The following WWOX variants were observed in gnomAD, a reference collection of about 807,000 sequenced individuals.
The protein encoded by WWOX is WW domain-containing oxidoreductase.
A neutral mutation model predicts 46.2 loss-of-function variants in WWOX; 69 were observed. That is an observed-to-expected ratio of 1.49 (90% CI 1.23 to 1.82). WWOX has a LOEUF of 1.82. Ranked by LOEUF, WWOX falls within the 40% of genes most tolerant of loss-of-function variation. The pLI is 0.00. For synonymous variants in WWOX, 359 were observed against 202.6 expected, an observed-to-expected ratio of 1.77 and a Z score of -6.56; for missense variants, 919 against 542.6, an observed-to-expected ratio of 1.69 and a Z score of -6.89.
chr16:78,934,012 A>G (rs1438127009), intron 8 of WWOX, among the ~76,000 whole-genome samples: 1 of 152,032 alleles, frequency 6.6e-6, no homozygotes, highest in African/African-American at 2.4e-5. Context: ...GGCAACACAT[A>G]GAGACACCGT....
At chr16:78,221,892 G>A (rs555893512) in intron 5 of WWOX, among the ~76,000 whole-genome samples, 3 of 152,234 alleles carry the variant, frequency 2.0e-5, no homozygotes, top group South Asian at 4.2e-4. Flanking sequence ...TTTGGTTTGG[G>A]TAATTCATTG....
intron 8 of WWOX, among the ~76,000 whole-genome samples, chr16:78,584,914 T>G (rs1235033760): frequency 6.6e-6 from 1 of 152,186 alleles, no homozygotes; most frequent in Non-Finnish European, 1.5e-5. Flanking sequence ...ATTGACAGAA[T>G]TTTTCTCCCG....
rs548204317 is a variant in WWOX, at chr16:79,211,820, C to G, written c.*24C>G. On this transcript the variant is annotated 3_prime_UTR_variant, in exon 9 of 9. Transcript: ENST00000566780. Reference sequence around the variant, plus strand: ...AAGTGGAGCTCAGAGCGGATGGGCACACACACCCGCCCTGTGTGTGTCCCC... The same window carrying G: ...AAGTGGAGCTCAGAGCGGATGGGCAGACACACCCGCCCTGTGTGTGTCCCC... 6.2e-6 allele frequency: 10 copies of G among 1,613,442 alleles called. No individual in the cohort carries two copies. Among genetic ancestry groups the G allele is most frequent in the Non-Finnish European group, 8.5e-6 (10 of 1,179,902 alleles).
intron 8 of WWOX, among the ~76,000 whole-genome samples, chr16:79,196,109 G>C (rs1242981521): frequency 6.6e-6 from 1 of 152,152 alleles, no homozygotes; most frequent in Admixed American, 6.5e-5. Context: ...TCGAGGTTTG[G>C]CACCTCTGAT....
At chr16:78,580,157 TC>T (rs1223263595) in intron 8 of WWOX, among the ~76,000 whole-genome samples, 5 of 150,832 alleles carry the variant, frequency 3.3e-5, no homozygotes, top group Non-Finnish European at 5.9e-5. Flanking sequence ...CACTGCAACC[TC>T]CACCTCCCAA....
intron 8 of WWOX, among the ~76,000 whole-genome samples, chr16:79,091,410 G>A (rs1009380349): frequency 9.9e-5 from 15 of 152,184 alleles, no homozygotes; most frequent in East Asian, 3.9e-4. Context: ...AGGCTGCCAG[G>A]CAGTAGCAAC....
At chr16:78,753,327 AG>A (rs199499504) in intron 8 of WWOX, among the ~76,000 whole-genome samples, 2,107 of 151,878 alleles carry the variant, frequency 0.014, 37 homozygotes, top group African/African-American at 0.047. Context: ...TCAAAAAAAA[AG>A]AAAAAAGAAA....
At chr16:78,808,595 C>G (rs998200033) in intron 8 of WWOX, among the ~76,000 whole-genome samples, 7 of 152,140 alleles carry the variant, frequency 4.6e-5, no homozygotes, top group African/African-American at 1.4e-4. Context: ...AAGTAGAGGC[C>G]TCTTCCTCAC....
At chr16:78,561,554 A>T (rs1354033844) in intron 8 of WWOX, among the ~76,000 whole-genome samples, 4 of 152,192 alleles carry the variant, frequency 2.6e-5, no homozygotes, top group African/African-American at 9.7e-5. Context: ...CCGGGAGGCC[A>T]ATTTAGAATT....
intron 6 of WWOX, among the ~76,000 whole-genome samples, chr16:78,403,329 A>G (rs1388742767): frequency 1.3e-5 from 2 of 152,200 alleles, no homozygotes; most frequent in African/African-American, 2.4e-5. Context: ...TGTGAATGAA[A>G]TCGTCATCTG....
At chr16:78,304,397 C>T (rs1182074494) in intron 5 of WWOX, among the ~76,000 whole-genome samples, 1 of 152,186 alleles carries the variant, frequency 6.6e-6, no homozygotes, top group African/African-American at 2.4e-5. Flanking sequence ...CTTTTTCCAG[C>T]CATGCTGTTG....
intron 8 of WWOX, among the ~76,000 whole-genome samples, chr16:78,923,113 C>A (rs541296235): frequency 2.0e-5 from 3 of 151,310 alleles, no homozygotes; most frequent in Non-Finnish European, 4.4e-5. Context: ...TTGCGAGTAG[C>A]TGGGATTACA....
intron 8 of WWOX, among the ~76,000 whole-genome samples, chr16:78,736,623 G>T (rs959525433): frequency 6.6e-6 from 1 of 151,578 alleles, no homozygotes; most frequent in African/African-American, 2.4e-5. Context: ...ACTGAGATAG[G>T]ATCTGTCTCT....
At chr16:78,357,527 G>C (rs914993299) in intron 5 of WWOX, among the ~76,000 whole-genome samples, 8 of 152,154 alleles carry the variant, frequency 5.3e-5, no homozygotes, top group Non-Finnish European at 2.9e-5. Context: ...TCATAACCTT[G>C]ATTTTTGAGG....
chr16:79,208,099 T>C (rs557376579), intron 8 of WWOX, among the ~76,000 whole-genome samples: 17 of 152,348 alleles, frequency 1.1e-4, no homozygotes, highest in African/African-American at 3.8e-4. Context: ...TGAATCCTTA[T>C]TACCAAGATA....
chr16:79,135,191 A>G (rs1357096817), intron 8 of WWOX, among the ~76,000 whole-genome samples: 1 of 152,174 alleles, frequency 6.6e-6, no homozygotes, highest in Non-Finnish European at 1.5e-5. Context: ...TAACCTTGCT[A>G]GAAAAAAATA....
chr16:78,951,179 G>C (rs932299957), intron 8 of WWOX, among the ~76,000 whole-genome samples: 2 of 152,196 alleles, frequency 1.3e-5, no homozygotes, highest in Non-Finnish European at 1.5e-5. Flanking sequence ...ATCTGGCGTG[G>C]CTGGATCTAA....
At chr16:79,034,560 G>A (rs1329401426) in intron 8 of WWOX, among the ~76,000 whole-genome samples, 2 of 152,078 alleles carry the variant, frequency 1.3e-5, no homozygotes, top group Non-Finnish European at 2.9e-5. Context: ...CCAATGCCCT[G>A]GGCTTAATTC....
intron 8 of WWOX, among the ~76,000 whole-genome samples, chr16:78,632,171 T>C (rs1265563548): frequency 6.6e-6 from 1 of 152,208 alleles, no homozygotes; most frequent in Non-Finnish European, 1.5e-5. Context: ...AGTTCTCTCA[T>C]ATTAAGTGAC....
Sources: allele counts gnomAD v4.1 joint callset (sites outside exome capture counted in the v4.1 genomes callset), GRCh38; gene constraint gnomAD v4.1.1; transcripts MANE v1.5; gene names NCBI Gene and HGNC (gene_info 2026-07-23, HGNC 2026-07-21).